STRN: variants seen among roughly 807,000 people sequenced by gnomAD.
STRN encodes the protein protein phosphatase 2 regulatory subunit B'''alpha.
Under a neutral mutation model 96.3 loss-of-function variants are expected in STRN, and 53 were observed. The observed-to-expected ratio is 0.55, with a 90% confidence interval of 0.44 to 0.69. The LOEUF (loss-of-function observed/expected upper bound fraction) is 0.69. Ranked by LOEUF, STRN falls within the 30% of genes least tolerant of loss-of-function variation. The pLI is 0.00. For missense variants in STRN, 987 were observed against 963.9 expected (o/e 1.02, Z -0.32); for synonymous variants, 428 against 355.9 (o/e 1.20, Z -2.28).
At chr2:36,917,147 G>A (rs1404987497) in intron 2 of STRN, among the ~76,000 whole-genome samples, 3 of 151,094 alleles carry the variant, frequency 2.0e-5, no homozygotes, top group Non-Finnish European at 4.4e-5. Flanking sequence ...GAAGCAAAGT[G>A]TAACACAGCC....
intron 3 of STRN, among the ~76,000 whole-genome samples, chr2:36,910,270 T>C (rs544915877): frequency 2.6e-5 from 4 of 152,120 alleles, no homozygotes; most frequent in East Asian, 3.9e-4. Context: ...CGGAAGACTT[T>C]AAGGTTGAAG....
Position 36,855,270 on chromosome 2 carries a change from G to A in STRN, c.1920C>T (p.Ser640=). ...MVASFSKGYT[S]IFNMETQQRI... ...GTTGTTGTGTTTCCATGTTAAAAAT[G>A]CTTGTATATCCCTTGCTGAATGATG... Residue 640 remains serine (S), a synonymous_variant, in exon 15 of 18, where the codon AGC becomes AGT. Transcript: ENST00000263918. 6.2e-7 allele frequency: 1 copy of A among 1,613,864 alleles called. No homozygotes were observed. The highest frequency in any genetic ancestry group is 8.5e-7 in the Non-Finnish European group (1 of 1,179,822).
At chr2:36,855,099 T>C (rs1558622311) in intron 15 of STRN, 113 bp downstream of exon 15, 2 of 1,137,188 alleles carry the variant, frequency 1.8e-6, no homozygotes, top group East Asian at 5.0e-5. Flanking sequence ...TTCTGAAAGT[T>C]AAGAGACAGA....
intron 1 of STRN, among the ~76,000 whole-genome samples, chr2:36,955,584 C>G (rs1664867820): frequency 6.6e-6 from 1 of 152,282 alleles, no homozygotes; most frequent in Non-Finnish European, 1.5e-5. Flanking sequence ...TCTCTTCTCC[C>G]CTTCTAACCC....
At chr2:36,924,354 TC>T (rs1670352983) in intron 2 of STRN, among the ~76,000 whole-genome samples, 1 of 40,260 alleles carries the variant, frequency 2.5e-5, no homozygotes, top group African/African-American at 1.5e-4. Context: ...AGACTCCGTT[TC>T]AAAAAAAAAA....
At chr2:36,964,171 T>C (rs1246462523) in intron 1 of STRN, among the ~76,000 whole-genome samples, 1 of 77,020 alleles carries the variant, frequency 1.3e-5, no homozygotes. Context: ...GGAGAGGGAG[T>C]GAACGGGGCG....
intron 7 of STRN, among the ~76,000 whole-genome samples, chr2:36,887,042 GACACACACACACACACACAC>G (rs70946957): frequency 1.4e-5 from 2 of 144,788 alleles, no homozygotes; most frequent in Non-Finnish European, 3.0e-5. Flanking sequence ...TCTCCTGAAA[GACACACACACACACACACAC>G]ACACACACAC....
At chr2:36,878,419 T>C (rs959932397) in intron 9 of STRN, among the ~76,000 whole-genome samples, 7 of 152,210 alleles carry the variant, frequency 4.6e-5, no homozygotes, top group African/African-American at 9.6e-5. Flanking sequence ...ATATAATTCA[T>C]TAATTTTATA....
At chr2:36,866,351 GC>G (rs1461613241) in intron 12 of STRN, among the ~76,000 whole-genome samples, 1 of 152,204 alleles carries the variant, frequency 6.6e-6, no homozygotes, top group Non-Finnish European at 1.5e-5. Flanking sequence ...ACAAGCATGA[GC>G]CCCTGCACCC....
chr2:36,957,340 C>CAG (rs1175603351), intron 1 of STRN, among the ~76,000 whole-genome samples: 1 of 152,188 alleles, frequency 6.6e-6, no homozygotes, highest in Non-Finnish European at 1.5e-5. Context: ...GTAATTCCAG[C>CAG]ACTTTGGGAG....
intron 10 of STRN, 127 bp from the exon 11 acceptor site, chr2:36,869,856 A>C: frequency 1.4e-6 from 1 of 734,600 alleles, no homozygotes; most frequent in Non-Finnish European, 1.9e-6. Flanking sequence ...AAAACAATAT[A>C]ATTTTTATAT....
intron 1 of STRN, among the ~76,000 whole-genome samples, chr2:36,950,220 T>G (rs1054349378): frequency 2.1e-5 from 3 of 145,726 alleles, no homozygotes; most frequent in East Asian, 2.0e-4. Context: ...TTTGTTTTTT[T>G]TTTTTTTTTT....
intron 1 of STRN, among the ~76,000 whole-genome samples, chr2:36,934,805 G>T (rs114572871): frequency 6.6e-6 from 1 of 152,118 alleles, no homozygotes; most frequent in African/African-American, 2.4e-5. Flanking sequence ...GGCTGGGCAC[G>T]GTGGCTCATG....
At chr2:36,951,823 G>T (rs577688985) in intron 1 of STRN, among the ~76,000 whole-genome samples, 7 of 152,314 alleles carry the variant, frequency 4.6e-5, no homozygotes, top group Admixed American at 3.9e-4. Flanking sequence ...ACCGATATGG[G>T]TCCATGGCCT....
At chr2:36,911,716 T>C (rs750119587) in intron 3 of STRN, among the ~76,000 whole-genome samples, 1 of 152,200 alleles carries the variant, frequency 6.6e-6, no homozygotes, top group Non-Finnish European at 1.5e-5. Context: ...GGCTTATCAC[T>C]TCAATCATTC....
In STRN at chr2:36,966,517, G is replaced by T; in HGVS notation, c.-54C>A. On this transcript the variant is annotated 5_prime_UTR_variant, in exon 1 of 18. In the 5' UTR this introduces an upstream ATG that the reference lacks. Coordinates refer to ENST00000263918, the MANE Select transcript of STRN (RefSeq NM_003162.4). Reference sequence around the variant, plus strand: ...CCGGCGCCCAGCAGCGGAGGCAACAGCGGCGGCAAGCAGCGCCTCCTCCTC... The same window carrying T: ...CCGGCGCCCAGCAGCGGAGGCAACATCGGCGGCAAGCAGCGCCTCCTCCTC... 7.6e-7 allele frequency: 1 copy of T among 1,310,792 alleles called. No homozygotes were observed. Among genetic ancestry groups the T allele is most frequent in the Non-Finnish European group, 9.9e-7 (1 of 1,012,054 alleles). 81.2% of individuals were successfully genotyped at this position (1,310,792 alleles called of 1,614,324 possible). A position where few individuals can be genotyped will look rare whatever the true frequency, so the allele number is the denominator to read the frequency against.
Position 36,841,387 on chromosome 2 carries a change from T to G in STRN, c.*8069A>C, listed in dbSNP as rs1667947484. ...GCATTCTTACATAGCAGTTGAGTAC[T>G]GGGAAGGTTGTTGGGGAGGGTATTA... is the stretch of plus-strand genomic sequence containing the variant. On this transcript the variant is annotated 3_prime_UTR_variant, in exon 18 of 18. Transcript: ENST00000263918. The G allele has an allele frequency of 6.6e-6, 1 of 152,118 alleles. No individual in the cohort carries two copies. Among genetic ancestry groups the G allele is most frequent in the Non-Finnish European group, 1.5e-5 (1 of 68,016 alleles). 9.4% of individuals were successfully genotyped at this position (152,118 alleles called of 1,614,324 possible).
intron 10 of STRN, among the ~76,000 whole-genome samples, chr2:36,872,845 G>C (rs780407627): frequency 6.6e-5 from 10 of 151,796 alleles, no homozygotes; most frequent in Non-Finnish European, 1.0e-4. Context: ...TAGAAAAGCA[G>C]AATTAAACAT....
intron 14 of STRN, among the ~76,000 whole-genome samples, chr2:36,856,587 A>ACAGT (rs1319958256): frequency 1.3e-5 from 2 of 152,358 alleles, no homozygotes; most frequent in Middle Eastern, 6.8e-3. Flanking sequence ...AAACTAATCT[A>ACAGT]TGATGAAAGA....
Sources: gnomAD v4.1 joint callset for allele counts (sites outside exome capture counted in the v4.1 genomes callset) on GRCh38, gnomAD v4.1.1 for gene constraint, MANE v1.5 for transcripts, NCBI Gene and HGNC (gene_info 2026-07-23, HGNC 2026-07-21) for gene names.